Variants in BMP7 observed in about 807,000 individuals in gnomAD.
The protein encoded by BMP7 is bone morphogenetic protein 7, also known as osteogenic protein 1.
Under a neutral mutation model 41.2 loss-of-function variants are expected in BMP7, and 12 were observed. The ratio of observed to expected loss-of-function variants is 0.29; its 90% CI spans 0.19 to 0.47. The LOEUF is 0.47. BMP7 is among the 20% of genes least tolerant of loss of function. BMP7 has a pLI of 0.99. For missense variants in BMP7, 467 were observed against 606.0 expected, an observed-to-expected ratio of 0.77 and a Z score of 2.41; for synonymous variants, 248 against 250.0, an observed-to-expected ratio of 0.99 and a Z score of 0.07.
intron 2 of BMP7, among the ~76,000 whole-genome samples, chr20:57,211,039 C>T (rs894042968): frequency 6.6e-6 from 1 of 152,220 alleles, no homozygotes; most frequent in Non-Finnish European, 1.5e-5. Flanking sequence ...CCACCACCTT[C>T]AGGGAGCAGG....
rs61733438 is a variant in BMP7 at position 57,175,004 on chromosome 20, T to C, written c.962A>G (p.Asn321Ser). The C allele has an allele frequency of 3.6e-3, 5,853 of 1,610,820 alleles. 44 individuals carry two copies. Among genetic ancestry groups the C allele is most frequent in the Middle Eastern group, 0.021 (125 of 6,062 alleles). ...GGCCTGCCTCTGGTCGCTGCTGCTG[T>C]TCTCTGCATTGACAAGGAAGTGAAG... ...EALRMANVAENSSSDQRQACK... is the reference protein window; with the variant it reads ...EALRMANVAESSSSDQRQACK... The change falls in exon 5 of 7, where the codon AAC becomes AGC. Residue 321 changes from asparagine (N) to serine (S), a missense_variant. Transcript: ENST00000395863.
chr20:57,203,246 T>A (rs1984663395), intron 2 of BMP7, among the ~76,000 whole-genome samples: 1 of 152,154 alleles, frequency 6.6e-6, no homozygotes, highest in Non-Finnish European at 1.5e-5. Flanking sequence ...GGTGAATCTC[T>A]GGACTGATGG....
At chr20:57,220,746 G>A (rs970264856) in intron 2 of BMP7, among the ~76,000 whole-genome samples, 1 of 152,188 alleles carries the variant, frequency 6.6e-6, no homozygotes, top group Non-Finnish European at 1.5e-5. Context: ...AACATCCATA[G>A]GATCAGAAAG....
intron 3 of BMP7, among the ~76,000 whole-genome samples, chr20:57,198,950 C>T (rs918617710): frequency 1.3e-5 from 2 of 152,230 alleles, no homozygotes; most frequent in Non-Finnish European, 2.9e-5. Flanking sequence ...GGGCTCCTCT[C>T]CACCCACGCA....
Position 57,265,829 on chromosome 20 carries a change from G to C in BMP7, c.294C>G (p.Pro98=), listed in dbSNP as rs925783954. 4 of 1,606,374 alleles carry C rather than the reference G, an allele frequency of 2.5e-6. No homozygotes were observed. Among genetic ancestry groups the C allele is most frequent in the African/African-American group, 1.3e-5 (1 of 74,860 alleles). Reference sequence around the variant, plus strand: ...AGGGGTAGGAGAAGCCCTGGCCGCCGGGCCCGCCGCCCTCCTCCACCGCCA... The same window carrying C: ...AGGGGTAGGAGAAGCCCTGGCCGCCCGGCCCGCCGCCCTCCTCCACCGCCA... ...NAMAVEEGGG[P]GGQGFSYPYK... The change falls in exon 1 of 7, where the codon CCC becomes CCG. Residue 98 remains proline (P), a synonymous_variant. Transcript: ENST00000395863.
chr20:57,180,787 AC>A (rs1210483362), intron 4 of BMP7, among the ~76,000 whole-genome samples: 23 of 152,124 alleles, frequency 1.5e-4, no homozygotes, highest in Non-Finnish European at 2.5e-4. Context: ...GGCCACACAG[AC>A]CCACTGAGGT....
intron 2 of BMP7, among the ~76,000 whole-genome samples, chr20:57,218,532 G>A (rs1985093768): frequency 6.6e-6 from 1 of 151,504 alleles, no homozygotes; most frequent in Non-Finnish European, 1.5e-5. Flanking sequence ...GAGGTAGCTG[G>A]TGTTTGGTGG....
At chr20:57,241,758 G>C (rs181868803) in intron 1 of BMP7, among the ~76,000 whole-genome samples, 1 of 151,350 alleles carries the variant, frequency 6.6e-6, no homozygotes, top group Non-Finnish European at 1.5e-5. Context: ...GTTGGGGTAG[G>C]GGCCAGAGGG....
At chr20:57,252,242 A>T (rs2066116645) in intron 1 of BMP7, among the ~76,000 whole-genome samples, 1 of 152,206 alleles carries the variant, frequency 6.6e-6, no homozygotes, top group Non-Finnish European at 1.5e-5. Context: ...AGTATTTATC[A>T]CACTTTTAAA....
At chr20:57,235,602 T>C (rs1018374301) in intron 1 of BMP7, among the ~76,000 whole-genome samples, 4 of 152,154 alleles carry the variant, frequency 2.6e-5, no homozygotes, top group African/African-American at 7.2e-5. Context: ...GAATGGACTC[T>C]TAAGGAAGAA....
In BMP7 at chr20:57,174,823, G is replaced by A; in HGVS notation, c.1035+108C>T. 2 of 1,240,074 alleles carry A rather than the reference G, an allele frequency of 1.6e-6. No individual in the cohort carries two copies. The highest frequency in any genetic ancestry group is 2.6e-5 in the South Asian group (2 of 78,044). 76.8% of individuals were successfully genotyped at this position (1,240,074 alleles called of 1,614,324 possible). On this transcript the variant is annotated intron_variant, in intron 5 of 6. Coordinates refer to ENST00000395863, the MANE Select transcript of BMP7 (RefSeq NM_001719.3). The surrounding 1 kb of genome is among the most constrained non-coding windows in gnomAD (Gnocchi z 4.3). ...TCCCTAGCGAGGCCACTTGATACTGGAGTCTTAACTGGCAGAGATGAGAAA... is the reference window on the plus strand; with the variant it reads ...TCCCTAGCGAGGCCACTTGATACTGAAGTCTTAACTGGCAGAGATGAGAAA...
intron 4 of BMP7, among the ~76,000 whole-genome samples, chr20:57,182,244 G>T (rs1984101084): frequency 6.6e-6 from 1 of 152,202 alleles, no homozygotes; most frequent in Non-Finnish European, 1.5e-5. Context: ...CAGGCAAGGG[G>T]TGTGGGAGGG....
At position 57,202,469 on chromosome 20, in the gene BMP7, A is replaced by G. The variant is rs759706614; in HGVS notation, c.760+6T>C. Reference sequence around the variant, plus strand: ...CATTAGGACTGGCAGTGGCCGGGGGACTCACCATCCAGCGTCTCCACCGAG... The same window carrying G: ...CATTAGGACTGGCAGTGGCCGGGGGGCTCACCATCCAGCGTCTCCACCGAG... On this transcript the variant is annotated splice_donor_region_variant and intron_variant, in intron 3 of 6. Coordinates refer to ENST00000395863, the MANE Select transcript of BMP7 (RefSeq NM_001719.3). 1.3e-6 allele frequency: 2 copies of G among 1,559,524 alleles called. No homozygotes were observed. Among genetic ancestry groups the G allele is most frequent in the African/African-American group, 1.6e-5 (1 of 61,102 alleles).
In BMP7 at chr20:57,213,474, C is replaced by T. The variant is rs970793948; in HGVS notation, c.612-10851G>A. ...TGCTCCTTAGAGATGTCATAATGCA[C>T]CTTAGCTCTTTAAAGGCTCTGAAAA... On this transcript the variant is annotated intron_variant, in intron 2 of 6. Transcript: ENST00000395863. The surrounding 1 kb of genome is among the most constrained non-coding windows in gnomAD (Gnocchi z 4.4). Among the ~76,000 whole-genome samples, 1 of 152,192 alleles carries T rather than the reference C, an allele frequency of 6.6e-6. No homozygotes were observed. Among genetic ancestry groups the T allele is most frequent in the South Asian group, 2.1e-4 (1 of 4,824 alleles).
At position 57,224,294 on chromosome 20, in the gene BMP7, C is replaced by G. The variant is rs1361625398; in HGVS notation, c.611+3935G>C. On this transcript the variant is annotated intron_variant, in intron 2 of 6. Transcript: ENST00000395863. The surrounding 1 kb of genome is among the most constrained non-coding windows in gnomAD (Gnocchi z 4.8). ...AAAATCACTGAGATGAACCCAGGGACATTTTCATCCAGCTGCCAACATCAT... is the reference window on the plus strand; with the variant it reads ...AAAATCACTGAGATGAACCCAGGGAGATTTTCATCCAGCTGCCAACATCAT... Among the ~76,000 whole-genome samples the G allele has an allele frequency of 6.6e-6, 1 of 152,224 alleles. No homozygotes were observed. The highest frequency in any genetic ancestry group is 6.5e-5 in the Admixed American group (1 of 15,288).
chr20:57,181,878 GCAC>G (rs1984090115), intron 4 of BMP7, among the ~76,000 whole-genome samples: 1 of 152,282 alleles, frequency 6.6e-6, no homozygotes, highest in Admixed American at 6.5e-5. Flanking sequence ...CAGCTGATTA[GCAC>G]CTGTGATTCC....
At chr20:57,212,715 G>A (rs567728755) in intron 2 of BMP7, among the ~76,000 whole-genome samples, 4 of 152,314 alleles carry the variant, frequency 2.6e-5, no homozygotes, top group South Asian at 2.1e-4. Flanking sequence ...ACTGCAACCC[G>A]CCGTGCACCT....
intron 4 of BMP7, among the ~76,000 whole-genome samples, chr20:57,175,628 G>A (rs1423718104): frequency 1.3e-5 from 2 of 152,240 alleles, no homozygotes; most frequent in African/African-American, 4.8e-5. Context: ...AAATTTGGAA[G>A]CATTCGGGTC....
In BMP7 at chr20:57,174,022, G is replaced by A. The variant is rs1411669677; in HGVS notation, c.1036-712C>T. On this transcript the variant is annotated intron_variant, in intron 5 of 6. Coordinates refer to ENST00000395863, the MANE Select transcript of BMP7 (RefSeq NM_001719.3). The surrounding 1 kb of genome is among the most constrained non-coding windows in gnomAD (Gnocchi z 4.3). Reference sequence around the variant, plus strand: ...TGGAATCTTCCAGCAGAGGCCCCTGGAGTTTGGGTTCTGTCCCAGCTGCAG... The same window carrying A: ...TGGAATCTTCCAGCAGAGGCCCCTGAAGTTTGGGTTCTGTCCCAGCTGCAG... Among the ~76,000 whole-genome samples the A allele has an allele frequency of 6.6e-6, 1 of 152,172 alleles. No homozygotes were observed. Among genetic ancestry groups the A allele is most frequent in the African/African-American group, 2.4e-5 (1 of 41,432 alleles).
Sources: allele counts gnomAD v4.1 joint callset (sites outside exome capture counted in the v4.1 genomes callset), GRCh38; gene constraint gnomAD v4.1.1; non-coding constraint Gnocchi (gnomAD v3.1); transcripts MANE v1.5; gene names NCBI Gene and HGNC (gene_info 2026-07-23, HGNC 2026-07-21).